Variants in TBC1D12 observed in about 807,000 individuals in gnomAD.
The protein encoded by TBC1D12 is TBC1 domain family member 12.
Under a neutral mutation model 86.7 loss-of-function variants are expected in TBC1D12, and 56 were observed. That is an observed-to-expected ratio of 0.65 (90% CI 0.52 to 0.81). The LOEUF (loss-of-function observed/expected upper bound fraction) is 0.81, where lower values mean the gene tolerates loss of function less well. Ranked by LOEUF, TBC1D12 falls within the 30% of genes least tolerant of loss-of-function variation. The probability of loss-of-function intolerance (pLI) is 0.00; values close to 1 mark genes in which losing one functional copy is unlikely to be tolerated. For missense variants in TBC1D12, 1,023 were observed against 1,038.8 expected (o/e 0.98, Z 0.21); for synonymous variants, 421 against 411.7 (o/e 1.02, Z -0.27).
chr10:94,465,561 G>T (rs1035357709), intron 2 of TBC1D12, among the ~76,000 whole-genome samples: 5 of 151,604 alleles, frequency 3.3e-5, no homozygotes, highest in Non-Finnish European at 7.4e-5. Context: ...CAGGAGAATC[G>T]CTTGAACCTG....
intron 4 of TBC1D12, among the ~76,000 whole-genome samples, chr10:94,495,765 A>C (rs1196011221): frequency 2.0e-5 from 3 of 152,132 alleles, no homozygotes; most frequent in East Asian, 3.9e-4. Context: ...CATTCTCCCA[A>C]GAAATCTTAT....
chr10:94,498,276 G>T (rs1463735629), intron 5 of TBC1D12, among the ~76,000 whole-genome samples: 1 of 152,096 alleles, frequency 6.6e-6, no homozygotes, highest in African/African-American at 2.4e-5. Context: ...TCATAATCAA[G>T]GAAATATGTA....
chr10:94,527,364 C>T (rs1478155441), intron 11 of TBC1D12, among the ~76,000 whole-genome samples: 1 of 151,496 alleles, frequency 6.6e-6, no homozygotes, highest in Non-Finnish European at 1.5e-5. Flanking sequence ...GCTGGGATTA[C>T]AGGCATGAGC....
At chr10:94,451,308 T>C (rs2134105331) in intron 2 of TBC1D12, among the ~76,000 whole-genome samples, 1 of 152,188 alleles carries the variant, frequency 6.6e-6, no homozygotes, top group African/African-American at 2.4e-5. Context: ...GTAAAATTAT[T>C]ATATGTAAAT....
At chr10:94,469,038 A>G (rs971579687) in intron 2 of TBC1D12, among the ~76,000 whole-genome samples, 2 of 152,234 alleles carry the variant, frequency 1.3e-5, no homozygotes, top group African/African-American at 4.8e-5. Context: ...ATTAGCTCCA[A>G]AGAAAAAATT....
At chr10:94,511,477 TAAA>T in intron 8 of TBC1D12, 103 bp from the exon 9 acceptor site, 1 of 758,942 alleles carries the variant, frequency 1.3e-6, no homozygotes, top group Non-Finnish European at 2.3e-6. Flanking sequence ...TTAAATATGC[TAAA>T]ACTAGTCATT....
chr10:94,403,712 C>A, intron 1 of TBC1D12, 128 bp downstream of exon 1: 2 of 1,166,934 alleles, frequency 1.7e-6, no homozygotes, highest in Non-Finnish European at 2.3e-6. Context: ...CGTGCCAGCC[C>A]CACACGCGTC....
At chr10:94,436,853 G>A (rs948522814) in intron 1 of TBC1D12, among the ~76,000 whole-genome samples, 3 of 150,648 alleles carry the variant, frequency 2.0e-5, no homozygotes, top group Admixed American at 1.3e-4. Flanking sequence ...GACTACAGGC[G>A]CGCACCACCA....
chr10:94,501,096 GAATA>G (rs35244809), intron 6 of TBC1D12, among the ~76,000 whole-genome samples: 42 of 148,968 alleles, frequency 2.8e-4, no homozygotes, highest in African/African-American at 7.9e-4. Context: ...ATGAATGAAT[GAATA>G]AATAAATAAA....
chr10:94,474,710 C>T lies in TBC1D12; in HGVS notation c.1138C>T (p.Gln380Ter). The change falls in exon 3 of 13, where the codon CAG becomes TAG. Residue 380 changes from glutamine (Q) to a stop codon, truncating the protein, a stop_gained. Transcript: ENST00000225235. LOFTEE classifies it high-confidence loss of function. Reference sequence around the variant, plus strand: ...GGGGAGGACCTGTAAACCACCACCTCAGTCTTCAAGACGCAAGAATTTTGA... The same window carrying T: ...GGGGAGGACCTGTAAACCACCACCTTAGTCTTCAAGACGCAAGAATTTTGA... The part of the protein sequence containing the change: ...RTGRTCKPPP[Q>*]SSRRKNFEFE... 6.2e-7 allele frequency: 1 copy of T among 1,614,070 alleles called. No individual in the cohort carries two copies. The highest frequency in any genetic ancestry group is 8.5e-7 in the Non-Finnish European group (1 of 1,179,992).
chr10:94,434,675 G>A (rs372720313), intron 1 of TBC1D12, among the ~76,000 whole-genome samples: 1 of 152,032 alleles, frequency 6.6e-6, no homozygotes, highest in East Asian at 1.9e-4. Context: ...GGAGGCCGAG[G>A]CGGGAAGATT....
At chr10:94,488,827 C>T (rs971505749) in intron 3 of TBC1D12, among the ~76,000 whole-genome samples, 1 of 152,078 alleles carries the variant, frequency 6.6e-6, no homozygotes, top group African/African-American at 2.4e-5. Flanking sequence ...GGGGGCCTCA[C>T]CACTGCCTGG....
intron 1 of TBC1D12, among the ~76,000 whole-genome samples, chr10:94,440,607 A>G (rs575747980): frequency 6.6e-6 from 1 of 152,350 alleles, no homozygotes; most frequent in South Asian, 2.1e-4. Context: ...TTGAGTATAG[A>G]TAAATCTAAT....
intron 11 of TBC1D12, among the ~76,000 whole-genome samples, chr10:94,523,979 T>C (rs1391103379): frequency 3.3e-5 from 5 of 152,148 alleles, no homozygotes; most frequent in South Asian, 2.1e-4. Context: ...AAAAAAATTA[T>C]GTATGTTGCC....
intron 5 of TBC1D12, among the ~76,000 whole-genome samples, chr10:94,499,737 A>G (rs1346146915): frequency 1.3e-5 from 2 of 152,216 alleles, no homozygotes; most frequent in Non-Finnish European, 2.9e-5. Context: ...AAGGTCAGAG[A>G]GGTTAAGTGA....
At chr10:94,466,020 G>A (rs184477120) in intron 2 of TBC1D12, among the ~76,000 whole-genome samples, 71 of 151,732 alleles carry the variant, frequency 4.7e-4, no homozygotes, top group Non-Finnish European at 6.0e-4. Flanking sequence ...TTAGCCACTA[G>A]AGCTTGTTTG....
At chr10:94,486,958 T>G (rs2056172322) in intron 3 of TBC1D12, among the ~76,000 whole-genome samples, 3 of 152,176 alleles carry the variant, frequency 2.0e-5, no homozygotes, top group Admixed American at 2.0e-4. Context: ...TTAGCTCTAA[T>G]AATATTTGCT....
At chr10:94,507,959 C>G (rs1399300609) in intron 7 of TBC1D12, among the ~76,000 whole-genome samples, 1 of 152,062 alleles carries the variant, frequency 6.6e-6, no homozygotes, top group Non-Finnish European at 1.5e-5. Context: ...TGCACTCCAG[C>G]CTGGGTAACA....
intron 9 of TBC1D12, among the ~76,000 whole-genome samples, chr10:94,518,968 G>C (rs950095262): frequency 6.6e-6 from 1 of 152,130 alleles, no homozygotes; most frequent in African/African-American, 2.4e-5. Context: ...CCAGCTGTTC[G>C]GGAGGTTGAG....
Sources: gnomAD v4.1 joint callset for allele counts (sites outside exome capture counted in the v4.1 genomes callset) on GRCh38, gnomAD v4.1.1 for gene constraint, MANE v1.5 for transcripts, NCBI Gene and HGNC (gene_info 2026-07-23, HGNC 2026-07-21) for gene names.